SPOCK1: variants seen among roughly 807,000 people sequenced by gnomAD.
SPOCK1 encodes the protein testican-1.
Under a neutral mutation model 55.3 loss-of-function variants are expected in SPOCK1, and 23 were observed. That is an observed-to-expected ratio of 0.42 (90% CI 0.30 to 0.59). The LOEUF is 0.59. Ranked by LOEUF, SPOCK1 falls within the 20% of genes least tolerant of loss-of-function variation. The pLI is 0.22. For missense variants in SPOCK1, 499 were observed against 552.5 expected (o/e 0.90, Z 0.97); for synonymous variants, 226 against 221.0 (o/e 1.02, Z -0.20).
intron 2 of SPOCK1, among the ~76,000 whole-genome samples, chr5:137,273,555 T>C (rs1329364160): frequency 6.6e-6 from 1 of 152,174 alleles, no homozygotes; most frequent in Non-Finnish European, 1.5e-5. Context: ...TTTGAAAAGG[T>C]CCCAACAATT....
At chr5:137,156,519 A>C (rs556286341) in intron 3 of SPOCK1, among the ~76,000 whole-genome samples, 9 of 152,316 alleles carry the variant, frequency 5.9e-5, no homozygotes, top group African/African-American at 1.9e-4. Context: ...GTGTGTGTGA[A>C]GCAGTGACCT....
intron 2 of SPOCK1, among the ~76,000 whole-genome samples, chr5:137,369,312 G>A (rs1009736688): frequency 5.3e-5 from 8 of 152,138 alleles, no homozygotes; most frequent in African/African-American, 1.7e-4. Flanking sequence ...CTCTTTCCTT[G>A]GTTGGTTTCC....
chr5:137,070,875 A>G (rs1233639606), intron 5 of SPOCK1, among the ~76,000 whole-genome samples: 1 of 152,112 alleles, frequency 6.6e-6, no homozygotes, highest in Non-Finnish European at 1.5e-5. Context: ...TCTCCTCCCT[A>G]GCTACAGAAA....
Position 137,251,988 on chromosome 5 carries a change from C to G in SPOCK1, c.232+15022G>C, listed in dbSNP as rs543742515. On this transcript the variant is annotated intron_variant, in intron 3 of 10. Transcript: ENST00000394945. ...AGGCTGGAGTGCAGTGGTGCAATCTCAAGCTCAGCTCACTGCAACCTCCAC... is the reference window on the plus strand; with the variant it reads ...AGGCTGGAGTGCAGTGGTGCAATCTGAAGCTCAGCTCACTGCAACCTCCAC... Among the ~76,000 whole-genome samples the G allele has an allele frequency of 3.3e-5, 5 of 149,576 alleles. No homozygotes were observed. The South Asian group carries it at 8.3e-4, about 25-fold the overall frequency.
At chr5:137,313,120 G>A (rs1757818216) in intron 2 of SPOCK1, among the ~76,000 whole-genome samples, 1 of 152,142 alleles carries the variant, frequency 6.6e-6, no homozygotes, top group Non-Finnish European at 1.5e-5. Flanking sequence ...AAGTTACCTG[G>A]ACCAAAATGT....
intron 2 of SPOCK1, among the ~76,000 whole-genome samples, chr5:137,305,638 G>A (rs757110522): frequency 3.9e-5 from 6 of 152,128 alleles, no homozygotes; most frequent in Admixed American, 6.5e-5. Flanking sequence ...ACAGCTTAAC[G>A]GCCATTTAAT....
At chr5:137,328,667 A>G (rs1424389347) in intron 2 of SPOCK1, among the ~76,000 whole-genome samples, 1 of 152,186 alleles carries the variant, frequency 6.6e-6, no homozygotes, top group Non-Finnish European at 1.5e-5. Context: ...TTTCTCCTCA[A>G]AACAATCCTA....
chr5:137,456,092 G>A (rs1347990881), intron 2 of SPOCK1, among the ~76,000 whole-genome samples: 3 of 151,922 alleles, frequency 2.0e-5, no homozygotes, highest in East Asian at 1.9e-4. Context: ...AGGAGGAGGA[G>A]GAAAAGAATT....
intron 6 of SPOCK1, among the ~76,000 whole-genome samples, chr5:137,060,720 T>C (rs1214041720): frequency 6.6e-6 from 1 of 152,176 alleles, no homozygotes; most frequent in African/African-American, 2.4e-5. Context: ...CTCTATCCCG[T>C]TCACTGAACT....
intron 2 of SPOCK1, among the ~76,000 whole-genome samples, chr5:137,482,656 G>A (rs1024728091): frequency 6.6e-6 from 1 of 152,120 alleles, no homozygotes; most frequent in African/African-American, 2.4e-5. Context: ...CAGAATTCAG[G>A]GGACCGGGTC....
At chr5:137,298,793 A>G (rs1002762921) in intron 2 of SPOCK1, among the ~76,000 whole-genome samples, 1 of 152,130 alleles carries the variant, frequency 6.6e-6, no homozygotes, top group African/African-American at 2.4e-5. Context: ...ATTATCTGAT[A>G]TTACTATTGT....
intron 6 of SPOCK1, among the ~76,000 whole-genome samples, chr5:137,024,583 T>G (rs1254933141): frequency 6.6e-6 from 1 of 150,856 alleles, no homozygotes; most frequent in African/African-American, 2.4e-5. Context: ...ATAGAGCAAT[T>G]ACTAGGAAGG....
intron 6 of SPOCK1, among the ~76,000 whole-genome samples, chr5:137,046,808 G>A (rs1302371100): frequency 9.8e-5 from 3 of 30,522 alleles, no homozygotes; most frequent in East Asian, 1.4e-3. Flanking sequence ...TTTGAAATAC[G>A]TCCCATCAAT....
At chr5:137,449,294 T>C (rs1363295624) in intron 2 of SPOCK1, among the ~76,000 whole-genome samples, 1 of 152,236 alleles carries the variant, frequency 6.6e-6, no homozygotes, top group Non-Finnish European at 1.5e-5. Flanking sequence ...GTCAGGAACA[T>C]GTACCACCTA....
At chr5:137,078,406 A>C (rs1246909063) in intron 5 of SPOCK1, among the ~76,000 whole-genome samples, 1 of 152,010 alleles carries the variant, frequency 6.6e-6, no homozygotes, top group African/African-American at 2.4e-5. Flanking sequence ...CGGGCAGTTT[A>C]CTCCACAGAC....
At chr5:137,348,713 G>A (rs965820729) in intron 2 of SPOCK1, among the ~76,000 whole-genome samples, 4 of 152,164 alleles carry the variant, frequency 2.6e-5, no homozygotes, top group Non-Finnish European at 5.9e-5. Context: ...CATTGCTCCT[G>A]TGTTGCCAAG....
intron 2 of SPOCK1, among the ~76,000 whole-genome samples, chr5:137,447,866 A>T (rs566885809): frequency 1.3e-5 from 2 of 152,220 alleles, no homozygotes; most frequent in Non-Finnish European, 2.9e-5. Context: ...ATCCGGCTAT[A>T]TTCAAAAGCC....
intron 2 of SPOCK1, among the ~76,000 whole-genome samples, chr5:137,295,741 T>C (rs1252468385): frequency 6.6e-6 from 1 of 152,146 alleles, no homozygotes; most frequent in East Asian, 1.9e-4. Flanking sequence ...AAAATACATA[T>C]TATTGGGTGT....
intron 6 of SPOCK1, among the ~76,000 whole-genome samples, chr5:137,036,069 T>C (rs930472980): frequency 4.6e-5 from 7 of 152,102 alleles, no homozygotes; most frequent in Non-Finnish European, 7.4e-5. Flanking sequence ...TGGGCTTGCA[T>C]AGGAAATCAT....
Sources: allele counts gnomAD v4.1 joint callset (sites outside exome capture counted in the v4.1 genomes callset), GRCh38; gene constraint gnomAD v4.1.1; transcripts MANE v1.5; gene names NCBI Gene and HGNC (gene_info 2026-07-23, HGNC 2026-07-21).